Variants in PTPN2 observed in about 807,000 individuals in gnomAD.
PTPN2 encodes tyrosine-protein phosphatase non-receptor type 2.
A neutral mutation model predicts 57.3 loss-of-function variants in PTPN2; 19 were observed. That is an observed-to-expected ratio of 0.33 (90% CI 0.23 to 0.49). PTPN2 has a LOEUF of 0.49. Ranked by LOEUF, PTPN2 falls within the 20% of genes least tolerant of loss-of-function variation. The pLI is 0.99. For missense variants in PTPN2, 358 were observed against 501.1 expected (o/e 0.71, Z 2.73); for synonymous variants, 153 against 164.9 (o/e 0.93, Z 0.55).
intron 1 of PTPN2, among the ~76,000 whole-genome samples, chr18:12,881,909 A>C (rs2044677871): frequency 6.6e-6 from 1 of 152,232 alleles, no homozygotes; most frequent in Non-Finnish European, 1.5e-5. Flanking sequence ...AAGAATCCTC[A>C]GTGTCTAACA....
chr18:12,804,356 T>C (rs923362774), intron 7 of PTPN2, among the ~76,000 whole-genome samples: 2 of 128,864 alleles, frequency 1.6e-5, no homozygotes, highest in African/African-American at 5.9e-5. Context: ...CTCAAGGAAC[T>C]AGAAAATAAT....
chr18:12,840,628 T>C, intron 2 of PTPN2: 1 of 1,445,790 alleles, frequency 6.9e-7, no homozygotes, highest in Non-Finnish European at 9.5e-7. Flanking sequence ...CCCATCGCAC[T>C]GTCACTCAGG....
At chr18:12,826,925 T>C (rs1172349455) in intron 4 of PTPN2, among the ~76,000 whole-genome samples, 1 of 152,224 alleles carries the variant, frequency 6.6e-6, no homozygotes, top group African/African-American at 2.4e-5. Flanking sequence ...GCCATAGGTA[T>C]CATATTCATA....
chr18:12,870,284 CATATACATATATAT>C lies in PTPN2; in HGVS notation c.70-11044_70-11031del, dbSNP rs1568168114. Among the ~76,000 whole-genome samples the C allele has an allele frequency of 6.9e-4, 44 of 63,602 alleles. 3 individuals are homozygous for C. Among genetic ancestry groups the C allele is most frequent in the African/African-American group, 2.4e-3 (20 of 8,208 alleles). The allele number at this position is 63,602 out of a possible 152,430, so 41.7% of individuals were successfully genotyped here. ...ATATATATATATATGTATATATATA[CATATACATATATAT>C]GTGTATATATACATATATATGTGTA... On this transcript the variant is annotated intron_variant, in intron 1 of 8. Transcript: ENST00000309660.
chr18:12,860,416 G>T (rs1437878143), intron 1 of PTPN2, among the ~76,000 whole-genome samples: 1 of 151,646 alleles, frequency 6.6e-6, no homozygotes, highest in Non-Finnish European at 1.5e-5. Flanking sequence ...GGCCAGGATG[G>T]TGAAACCTCG....
In PTPN2 at chr18:12,816,155, C is replaced by G. The variant is rs536407898; in HGVS notation, c.705+1001G>C. 1.4e-3 allele frequency among the ~76,000 whole-genome samples: 217 copies of G among 152,160 alleles called. 1 individual carries two copies. The highest frequency in any genetic ancestry group is 3.4e-3 in the Middle Eastern group (1 of 294). ...CTTGTCTCTACTAAAAATAAAAAAG[C>G]AAAAACTAGTTGGGTGTGGTGGTGC... On this transcript the variant is annotated intron_variant, in intron 6 of 8. Transcript: ENST00000309660.
chr18:12,797,886 T>C (rs527585069), intron 8 of PTPN2, among the ~76,000 whole-genome samples: 9 of 152,082 alleles, frequency 5.9e-5, no homozygotes, highest in Middle Eastern at 6.8e-3. Context: ...CCCACCACAT[T>C]TGGCGGATTT....
intron 7 of PTPN2, among the ~76,000 whole-genome samples, chr18:12,804,447 G>T: frequency 6.8e-6 from 1 of 147,238 alleles, no homozygotes. Flanking sequence ...AAAAAGAAAC[G>T]AAAGATCAAC....
intron 2 of PTPN2, among the ~76,000 whole-genome samples, chr18:12,854,857 A>G (rs1472902063): frequency 6.6e-6 from 1 of 152,132 alleles, no homozygotes. Context: ...GGTTAGGAAA[A>G]AAGGCACGGT....
intron 5 of PTPN2, among the ~76,000 whole-genome samples, chr18:12,818,018 T>C (rs557096057): frequency 6.6e-6 from 1 of 152,262 alleles, no homozygotes; most frequent in South Asian, 2.1e-4. Flanking sequence ...GGCGCGTGCC[T>C]GTAATCTCAG....
chr18:12,870,414 T>G (rs572633595), intron 1 of PTPN2, among the ~76,000 whole-genome samples: 1 of 68,788 alleles, frequency 1.5e-5, no homozygotes, highest in Non-Finnish European at 2.5e-5. Flanking sequence ...CGTATATATA[T>G]GTATATATAT....
At chr18:12,807,210 A>G (rs1283531500) in intron 7 of PTPN2, among the ~76,000 whole-genome samples, 2 of 152,078 alleles carry the variant, frequency 1.3e-5, no homozygotes, top group African/African-American at 4.8e-5. Context: ...CATCAGAATA[A>G]TGCAAATCAA....
chr18:12,800,415 T>C (rs2041372611), intron 8 of PTPN2, among the ~76,000 whole-genome samples: 1 of 152,130 alleles, frequency 6.6e-6, no homozygotes, highest in Admixed American at 6.6e-5. Flanking sequence ...TTGAAAAAGC[T>C]AAGGTAACTT....
intron 8 of PTPN2, among the ~76,000 whole-genome samples, chr18:12,794,760 T>C (rs2041104602): frequency 6.6e-6 from 1 of 152,168 alleles, no homozygotes; most frequent in Non-Finnish European, 1.5e-5. Context: ...TAACTGAGAC[T>C]GCAGGCGTGC....
chr18:12,790,293 C>T (rs1568069893), downstream of PTPN2, among the ~76,000 whole-genome samples: 1 of 152,126 alleles, frequency 6.6e-6, no homozygotes, highest in Non-Finnish European at 1.5e-5. Context: ...GTCTGTACAA[C>T]AACCAGGCAG....
At chr18:12,789,885 T>C (rs532947497), downstream of PTPN2, among the ~76,000 whole-genome samples, 234 of 152,144 alleles carry the variant, frequency 1.5e-3, no homozygotes, top group African/African-American at 5.3e-3. Context: ...TGTGTATATA[T>C]ATATGTATGT....
chr18:12,854,017 T>G (rs986858279), intron 2 of PTPN2, among the ~76,000 whole-genome samples: 1 of 152,100 alleles, frequency 6.6e-6, no homozygotes, highest in South Asian at 2.1e-4. Context: ...AAAAGCGTAG[T>G]AGGGCCTGAA....
At chr18:12,876,464 T>C (rs1308643609) in intron 1 of PTPN2, among the ~76,000 whole-genome samples, 1 of 150,992 alleles carries the variant, frequency 6.6e-6, no homozygotes, top group Admixed American at 6.6e-5. Context: ...AGACCCCTTC[T>C]CAAGAAAAAA....
rs563784054 is a variant in PTPN2, at chr18:12,882,921, A to G, written c.69+1152T>C. 1.8e-4 allele frequency among the ~76,000 whole-genome samples: 28 copies of G among 152,364 alleles called. 1 individual carries two copies. Among genetic ancestry groups the G allele is most frequent in the African/African-American group, 6.7e-4 (28 of 41,578 alleles). On this transcript the variant is annotated intron_variant, in intron 1 of 8. Transcript: ENST00000309660. ...ATTAACTTAACCGTCACCAAATTCA[A>G]TCTTGGGAATAATACGACAAGGATT... is the stretch of plus-strand genomic sequence containing the variant.
Sources: gnomAD v4.1 joint callset for allele counts (sites outside exome capture counted in the v4.1 genomes callset) on GRCh38, gnomAD v4.1.1 for gene constraint, MANE v1.5 for transcripts, NCBI Gene and HGNC (gene_info 2026-07-23, HGNC 2026-07-21) for gene names.